GLMN: variants seen among roughly 807,000 people sequenced by gnomAD.
GLMN encodes glomulin, FKBP associated protein.
GLMN carries 75 observed loss-of-function variants against 87.8 expected under a neutral mutation model. That is an observed-to-expected ratio of 0.85 (90% CI 0.71 to 1.04). The LOEUF (loss-of-function observed/expected upper bound fraction) is 1.04, where lower values mean the gene tolerates loss of function less well. Ranked by LOEUF, GLMN falls within the 50% of genes least tolerant of loss-of-function variation. The probability of loss-of-function intolerance (pLI) is 0.00; values close to 1 mark genes in which losing one functional copy is unlikely to be tolerated. For missense variants in GLMN, 588 were observed against 658.8 expected (o/e 0.89, Z 1.18); for synonymous variants, 206 against 221.6 (o/e 0.93, Z 0.63).
chr1:92,297,828 T>G (rs1404428368), intron 2 of GLMN, 133 bp downstream of exon 2: 1 of 652,832 alleles, frequency 1.5e-6, no homozygotes, highest in Non-Finnish European at 2.8e-6. Context: ...CCCCCACTCA[T>G]GCTCTTTACA....
the GLMN span, among the ~76,000 whole-genome samples, chr1:92,311,385 A>C: frequency 6.6e-6 from 1 of 152,230 alleles, no homozygotes; most frequent in Non-Finnish European, 1.5e-5. Context: ...TATCTGCTTA[A>C]GACTAGAGAA....
the GLMN span, chr1:92,333,489 C>G: frequency 6.4e-7 from 1 of 1,558,036 alleles, no homozygotes; most frequent in Non-Finnish European, 8.9e-7. Context: ...TATGTAATTG[C>G]CATTCCAGCT....
chr1:92,324,852 T>C, the GLMN span, among the ~76,000 whole-genome samples: 1 of 152,190 alleles, frequency 6.6e-6, no homozygotes, highest in Admixed American at 6.5e-5. Flanking sequence ...AAAAGAGACT[T>C]ATTGGGAAAT....
At chr1:92,334,323 T>G in the GLMN span, among the ~76,000 whole-genome samples, 1 of 152,338 alleles carries the variant, frequency 6.6e-6, no homozygotes, top group South Asian at 2.1e-4. Context: ...AGACCTTTTT[T>G]GGTTTTTTAT....
the GLMN span, among the ~76,000 whole-genome samples, chr1:92,305,751 T>C: frequency 6.6e-6 from 1 of 152,156 alleles, no homozygotes; most frequent in African/African-American, 2.4e-5. Flanking sequence ...TTATCAGTAA[T>C]CAGAGAAATA....
At chr1:92,310,859 T>C in the GLMN span, among the ~76,000 whole-genome samples, 1 of 152,172 alleles carries the variant, frequency 6.6e-6, no homozygotes, top group Non-Finnish European at 1.5e-5. Flanking sequence ...ATCACACCAT[T>C]GCGCTCCAGC....
At chr1:92,321,891 C>T in the GLMN span, among the ~76,000 whole-genome samples, 7 of 148,338 alleles carry the variant, frequency 4.7e-5, no homozygotes, top group Middle Eastern at 3.5e-3. Context: ...AATCTAAACA[C>T]AATTCCTGTA....
At chr1:92,265,695 G>A (rs1655560558) in intron 13 of GLMN, among the ~76,000 whole-genome samples, 1 of 152,140 alleles carries the variant, frequency 6.6e-6, no homozygotes, top group South Asian at 2.1e-4. Flanking sequence ...CCTGAAGCTG[G>A]GGGGCCAAGG....
the GLMN span, among the ~76,000 whole-genome samples, chr1:92,364,882 G>C: frequency 6.6e-6 from 1 of 152,096 alleles, no homozygotes. Context: ...GCAGGCCTTT[G>C]TTCAGCAACT....
the GLMN span, among the ~76,000 whole-genome samples, chr1:92,362,718 A>G: frequency 6.6e-6 from 1 of 152,118 alleles, no homozygotes; most frequent in Non-Finnish European, 1.5e-5. Context: ...CATTTTATTT[A>G]TATACTAATT....
At chr1:92,275,197 T>C (rs1570920510) in intron 7 of GLMN, among the ~76,000 whole-genome samples, 2 of 152,200 alleles carry the variant, frequency 1.3e-5, no homozygotes, top group Non-Finnish European at 2.9e-5. Context: ...ACCAGTTTCC[T>C]TAAGCCCTTT....
the GLMN span, chr1:92,304,395 C>A: frequency 2.8e-6 from 3 of 1,063,866 alleles, no homozygotes; most frequent in Non-Finnish European, 4.2e-6. Context: ...TTTTTCTTTA[C>A]TAACCACTAT....
chr1:92,309,277 A>G, the GLMN span, among the ~76,000 whole-genome samples: 1 of 152,038 alleles, frequency 6.6e-6, no homozygotes, highest in Non-Finnish European at 1.5e-5. Flanking sequence ...CCCTGTCTCT[A>G]CTAAAAATAC....
At chr1:92,312,881 G>T in the GLMN span, among the ~76,000 whole-genome samples, 4 of 151,514 alleles carry the variant, frequency 2.6e-5, no homozygotes, top group African/African-American at 9.7e-5. Context: ...GAGTGCAGTG[G>T]CGCGATCTTG....
At chr1:92,363,797 T>A in the GLMN span, 1 of 282,088 alleles carries the variant, frequency 3.5e-6, no homozygotes, top group Non-Finnish European at 7.0e-6. Flanking sequence ...TTCTTTATGA[T>A]TTGCTTAACA....
chr1:92,265,001 CTGGCTAATTTTT>C (rs1655451132), intron 13 of GLMN, among the ~76,000 whole-genome samples: 2 of 152,156 alleles, frequency 1.3e-5, no homozygotes, highest in African/African-American at 4.8e-5. Flanking sequence ...GCCACCGTGC[CTGGCTAATTTTT>C]TGTATTTGTA....
At chr1:92,252,193 C>T (rs1270578601) in intron 16 of GLMN, among the ~76,000 whole-genome samples, 1 of 152,144 alleles carries the variant, frequency 6.6e-6, no homozygotes. Flanking sequence ...AAATGTATCT[C>T]TAACCAAACG....
intron 15 of GLMN, 138 bp from the exon 16 acceptor site, chr1:92,263,064 G>C: frequency 1.9e-6 from 1 of 516,780 alleles, no homozygotes; most frequent in Non-Finnish European, 3.5e-6. Flanking sequence ...TTTTTGAGTA[G>C]TAATAACTTA....
chr1:92,268,102 T>C lies in GLMN; in HGVS notation c.1008+3A>G. On this transcript the variant is annotated splice_donor_region_variant and intron_variant, in intron 10 of 18. Transcript: ENST00000370360. ...TAAGTTATAATGGGAACAAACATCT[T>C]ACCAATCCTTTGGAGATAACAGACT... 6.8e-7 allele frequency: 1 copy of C among 1,461,504 alleles called. No homozygotes were observed. Among genetic ancestry groups the C allele is most frequent in the Non-Finnish European group, 9.6e-7 (1 of 1,041,606 alleles). The allele number at this position is 1,461,504 out of a possible 1,614,324, so 90.5% of individuals were successfully genotyped here. A position where few individuals can be genotyped will look rare whatever the true frequency, so the allele number is the denominator to read the frequency against.
Sources: gnomAD v4.1 joint callset for allele counts (sites outside exome capture counted in the v4.1 genomes callset) on GRCh38, gnomAD v4.1.1 for gene constraint, MANE v1.5 for transcripts, NCBI Gene and HGNC (gene_info 2026-07-23, HGNC 2026-07-21) for gene names.